ATP2C1: variants seen among roughly 807,000 people sequenced by gnomAD.
ATP2C1 encodes calcium-transporting ATPase type 2C member 1.
Under a neutral mutation model 120.5 loss-of-function variants are expected in ATP2C1, and 31 were observed. That is an observed-to-expected ratio of 0.26 (90% CI 0.19 to 0.35). ATP2C1 has a LOEUF of 0.35. Among genes scored for constraint, ATP2C1 ranks in the 10% least tolerant of loss-of-function variants. The pLI, the probability that ATP2C1 is intolerant of heterozygous loss-of-function variation, is 1.00. For missense variants in ATP2C1, 731 were observed against 1,107.5 expected (o/e 0.66, Z 4.83); for synonymous variants, 351 against 358.7 (o/e 0.98, Z 0.24).
At chr3:130,912,940 C>A (rs937153170) in intron 2 of ATP2C1, among the ~76,000 whole-genome samples, 1 of 151,044 alleles carries the variant, frequency 6.6e-6, no homozygotes, top group Non-Finnish European at 1.5e-5. Context: ...ATGATGAGTT[C>A]ATGTCCTTTG....
intron 2 of ATP2C1, among the ~76,000 whole-genome samples, chr3:130,920,440 A>G (rs2058901545): frequency 6.6e-6 from 1 of 151,894 alleles, no homozygotes; most frequent in Non-Finnish European, 1.5e-5. Flanking sequence ...TCCTTTCCTC[A>G]TTGTATATTC....
chr3:130,878,260 A>G (rs924947661), intron 1 of ATP2C1, among the ~76,000 whole-genome samples: 2 of 152,150 alleles, frequency 1.3e-5, no homozygotes, highest in Non-Finnish European at 2.9e-5. Flanking sequence ...CAGGTTTTGC[A>G]CATGTACCCT....
intron 20 of ATP2C1, among the ~76,000 whole-genome samples, chr3:130,987,600 G>C (rs951455262): frequency 1.3e-5 from 2 of 152,168 alleles, no homozygotes. Flanking sequence ...CAAAGTGTTG[G>C]GATTACAGGC....
chr3:130,889,540 G>A (rs1436642249), upstream of ATP2C1, among the ~76,000 whole-genome samples: 2 of 151,718 alleles, frequency 1.3e-5, no homozygotes, highest in Non-Finnish European at 2.9e-5. Context: ...GCTCAATATC[G>A]AGCATTTCTT....
chr3:130,895,149 T>G (rs2069486735), intron 2 of ATP2C1, among the ~76,000 whole-genome samples: 1 of 152,176 alleles, frequency 6.6e-6, no homozygotes, highest in African/African-American at 2.4e-5. Context: ...TGCATCTCTG[T>G]ATATTGGCGT....
chr3:130,894,557 C>A lies in ATP2C1; in HGVS notation c.-180-33C>A, dbSNP rs181664730. The A allele has an allele frequency of 5.3e-3, 7,493 of 1,425,194 alleles. 26 individuals are homozygous for A. The highest frequency in any genetic ancestry group is 6.5e-3 in the Middle Eastern group (25 of 3,832). The allele number at this position is 1,425,194 out of a possible 1,614,324, so 88.3% of individuals were successfully genotyped here. ...GCGGGGAACTCCTTCCTCAGCCTCT[C>A]GTCAGCGCCGCTTCTCCTGGTTTCT... On this transcript the variant is annotated intron_variant, in intron 1 of 27. Coordinates refer to ENST00000510168, the MANE Select transcript of ATP2C1 (RefSeq NM_001378687.1). The surrounding 1 kb of genome is among the most constrained non-coding windows in gnomAD (Gnocchi z 4.5).
At chr3:130,998,758 A>G (rs1021218029) in intron 26 of ATP2C1, among the ~76,000 whole-genome samples, 33 of 152,188 alleles carry the variant, frequency 2.2e-4, no homozygotes, top group African/African-American at 5.3e-4. Flanking sequence ...TGCTAGGAGT[A>G]TAAGAGCAGT....
intron 5 of ATP2C1, 30 bp downstream of exon 5, chr3:130,934,741 G>A (rs750788926): frequency 7.1e-7 from 1 of 1,408,744 alleles, no homozygotes. Context: ...TTTTTAATCT[G>A]TTGAGTAAGT....
chr3:131,005,895 T>C (rs937392468), downstream of ATP2C1, among the ~76,000 whole-genome samples: 1 of 152,206 alleles, frequency 6.6e-6, no homozygotes, highest in African/African-American at 2.4e-5. Flanking sequence ...TCTGAATTAC[T>C]GGTAGCAATT....
chr3:130,934,739 C>A (rs767824875), intron 5 of ATP2C1, 28 bp downstream of exon 5: 4 of 1,424,700 alleles, frequency 2.8e-6, no homozygotes, highest in African/African-American at 2.8e-5. Context: ...TATTTTTAAT[C>A]TGTTGAGTAA....
At chr3:130,929,572 T>C (rs906707525) in intron 2 of ATP2C1, among the ~76,000 whole-genome samples, 7 of 152,222 alleles carry the variant, frequency 4.6e-5, no homozygotes, top group Non-Finnish European at 7.3e-5. Flanking sequence ...ATTGAGTGGA[T>C]GTGTGGCAAT....
chr3:130,942,122 G>C (rs1468087141), intron 8 of ATP2C1, among the ~76,000 whole-genome samples: 1 of 152,216 alleles, frequency 6.6e-6, no homozygotes, highest in Admixed American at 6.5e-5. Context: ...ATATGCCTCA[G>C]ACCACATGGC....
intron 1 of ATP2C1, among the ~76,000 whole-genome samples, chr3:130,852,692 T>C (rs1045661570): frequency 4.6e-5 from 7 of 152,230 alleles, no homozygotes; most frequent in Admixed American, 4.6e-4. Flanking sequence ...TCAGAGTTCA[T>C]CATAACTAAC....
intron 26 of ATP2C1, among the ~76,000 whole-genome samples, chr3:131,010,029 TAG>T (rs1030862042): frequency 1.3e-5 from 2 of 151,960 alleles, no homozygotes; most frequent in Non-Finnish European, 2.9e-5. Flanking sequence ...CAGCATGTGG[TAG>T]AGAGCAGCAC....
intron 4 of ATP2C1, among the ~76,000 whole-genome samples, chr3:130,933,334 G>C (rs1312632832): frequency 1.3e-5 from 2 of 152,098 alleles, no homozygotes; most frequent in Admixed American, 6.6e-5. Flanking sequence ...AGCTTTTTTA[G>C]GGGAAAATAA....
chr3:130,857,631 T>C (rs904553406), intron 1 of ATP2C1, among the ~76,000 whole-genome samples: 1 of 152,220 alleles, frequency 6.6e-6, no homozygotes, highest in Non-Finnish European at 1.5e-5. Flanking sequence ...ATGCTTATGA[T>C]CTTTCACTGG....
intron 2 of ATP2C1, among the ~76,000 whole-genome samples, chr3:130,912,261 TTAAAC>T (rs1338162722): frequency 7.0e-6 from 1 of 142,210 alleles, no homozygotes; most frequent in Admixed American, 7.0e-5. Context: ...TGGGATCTAA[TTAAAC>T]TAAAGAGCTT....
At chr3:130,919,479 A>G (rs1026366169) in intron 2 of ATP2C1, among the ~76,000 whole-genome samples, 3 of 152,138 alleles carry the variant, frequency 2.0e-5, no homozygotes, top group Non-Finnish European at 4.4e-5. Flanking sequence ...TCAGCCTCCC[A>G]AAGTGCTAGG....
intron 1 of ATP2C1, among the ~76,000 whole-genome samples, chr3:130,888,024 C>T (rs1189138353): frequency 1.3e-5 from 2 of 152,142 alleles, no homozygotes; most frequent in Non-Finnish European, 1.5e-5. Context: ...TATTTAGTAC[C>T]CAAAGGCTCT....
Sources: allele counts gnomAD v4.1 joint callset (sites outside exome capture counted in the v4.1 genomes callset), GRCh38; gene constraint gnomAD v4.1.1; non-coding constraint Gnocchi (gnomAD v3.1); transcripts MANE v1.5; gene names NCBI Gene and HGNC (gene_info 2026-07-23, HGNC 2026-07-21).